MYRIP: variants seen among roughly 807,000 people sequenced by gnomAD.
MYRIP encodes the protein rab effector MyRIP.
Under a neutral mutation model 98.0 loss-of-function variants are expected in MYRIP, and 49 were observed. That is an observed-to-expected ratio of 0.50 (90% CI 0.40 to 0.63). MYRIP has a LOEUF of 0.63. Ranked by LOEUF, MYRIP falls within the 30% of genes least tolerant of loss-of-function variation. The pLI is 0.00. For synonymous variants in MYRIP, 404 were observed against 409.5 expected, an observed-to-expected ratio of 0.99 and a Z score of 0.16; for missense variants, 1,004 against 1,058.2, an observed-to-expected ratio of 0.95 and a Z score of 0.71.
In MYRIP at chr3:39,997,406, C is replaced by G. The variant is rs1946389441; in HGVS notation, c.111-46644C>G. The stretch of plus-strand genomic sequence containing the variant: ...TACCATCAGAGAATACTATAAACAC[C>G]TCTATGCAAATAAACTAGAAAATCT... On this transcript the variant is annotated intron_variant, in intron 2 of 16. Coordinates refer to ENST00000302541, the MANE Select transcript of MYRIP (RefSeq NM_015460.4). Among the ~76,000 whole-genome samples the G allele has an allele frequency of 2.0e-5, 3 of 152,134 alleles. No homozygotes were observed. The South Asian group carries it at 6.2e-4, about 32-fold the overall frequency.
chr3:40,138,263 G>T (rs1005564719), intron 3 of MYRIP, among the ~76,000 whole-genome samples: 6 of 152,224 alleles, frequency 3.9e-5, no homozygotes, highest in Admixed American at 3.3e-4. Context: ...TTCACACTCT[G>T]CTGGCACCCC....
intron 4 of MYRIP, among the ~76,000 whole-genome samples, chr3:40,156,227 C>T (rs1950234878): frequency 1.3e-5 from 2 of 151,368 alleles, no homozygotes; most frequent in Non-Finnish European, 2.9e-5. Context: ...CCAGTTTTCC[C>T]AGCACCATTT....
chr3:39,983,217 T>C (rs1429056714), intron 2 of MYRIP, among the ~76,000 whole-genome samples: 1 of 152,204 alleles, frequency 6.6e-6, no homozygotes, highest in African/African-American at 2.4e-5. Flanking sequence ...CCAGTGCCTG[T>C]GCAGTACATG....
At chr3:40,029,617 T>A (rs1211772449) in intron 2 of MYRIP, among the ~76,000 whole-genome samples, 1 of 152,172 alleles carries the variant, frequency 6.6e-6, no homozygotes, top group Non-Finnish European at 1.5e-5. Context: ...TGCTTTCTTT[T>A]ACTAAAACCA....
chr3:39,857,772 T>A (rs1942349268), intron 1 of MYRIP, among the ~76,000 whole-genome samples: 1 of 152,174 alleles, frequency 6.6e-6, no homozygotes, highest in South Asian at 2.1e-4. Context: ...AGAGCAAAAT[T>A]ATAGTTATTA....
At chr3:40,051,501 C>T (rs1187890285) in intron 3 of MYRIP, among the ~76,000 whole-genome samples, 8 of 152,094 alleles carry the variant, frequency 5.3e-5, no homozygotes, top group African/African-American at 1.9e-4. Flanking sequence ...ACAGTATAGT[C>T]TATCTAACTT....
chr3:39,900,603 C>T (rs1431153700), intron 1 of MYRIP, among the ~76,000 whole-genome samples, 184 bp from the exon 2 acceptor site: 10 of 151,858 alleles, frequency 6.6e-5, no homozygotes, highest in Admixed American at 6.6e-5. Context: ...ATTATTTTCT[C>T]TTTTTCTCTG....
At chr3:39,922,814 C>G (rs1944334875) in intron 2 of MYRIP, among the ~76,000 whole-genome samples, 1 of 152,048 alleles carries the variant, frequency 6.6e-6, no homozygotes. Flanking sequence ...CTCATCATAC[C>G]AAGAACCTGG....
chr3:39,832,277 C>T (rs1171640172), intron 1 of MYRIP, among the ~76,000 whole-genome samples: 1 of 152,188 alleles, frequency 6.6e-6, no homozygotes. Context: ...TGTTAAAGAA[C>T]TTCTCAAATA....
In MYRIP at chr3:39,871,192, A is replaced by G. The variant is rs56770018; in HGVS notation, c.-30-29595A>G. Among the ~76,000 whole-genome samples the G allele has an allele frequency of 8.7e-4, 133 of 152,344 alleles. 3 individuals are homozygous for G. In the East Asian group the frequency reaches 0.021, roughly 24 times the overall value. Reference sequence around the variant, plus strand: ...GCAGATTGTATTTAGAAAACCCCCAAATAGGAACATTATAGAACACAGTGC... The same window carrying G: ...GCAGATTGTATTTAGAAAACCCCCAGATAGGAACATTATAGAACACAGTGC... On this transcript the variant is annotated intron_variant, in intron 1 of 16. Coordinates refer to ENST00000302541, the MANE Select transcript of MYRIP (RefSeq NM_015460.4).
intron 3 of MYRIP, among the ~76,000 whole-genome samples, chr3:40,047,876 T>A (rs138311886): frequency 6.6e-6 from 1 of 152,266 alleles, no homozygotes; most frequent in East Asian, 1.9e-4. Context: ...TATTTATATA[T>A]CAACAAACTG....
At chr3:39,940,126 G>A (rs1944751463) in intron 2 of MYRIP, among the ~76,000 whole-genome samples, 1 of 152,026 alleles carries the variant, frequency 6.6e-6, no homozygotes, top group Admixed American at 6.6e-5. Flanking sequence ...ATATGTGTGT[G>A]TTTTAACACA....
chr3:40,106,828 A>G (rs1949057679), intron 3 of MYRIP, among the ~76,000 whole-genome samples: 1 of 151,826 alleles, frequency 6.6e-6, no homozygotes. Flanking sequence ...CTTTTCCTGA[A>G]TTTTGTTTCA....
intron 2 of MYRIP, among the ~76,000 whole-genome samples, chr3:39,989,812 G>A (rs1435449959): frequency 6.6e-6 from 1 of 152,252 alleles, no homozygotes; most frequent in African/African-American, 2.4e-5. Context: ...CCATTGTGTT[G>A]GACTGTGGGG....
intron 1 of MYRIP, among the ~76,000 whole-genome samples, chr3:39,838,647 C>G (rs902145115): frequency 6.6e-6 from 1 of 152,120 alleles, no homozygotes; most frequent in Admixed American, 6.5e-5. Flanking sequence ...TGATGTTCTT[C>G]AGGGTTATTG....
intron 1 of MYRIP, among the ~76,000 whole-genome samples, chr3:39,822,043 T>G (rs1302647928): frequency 1.3e-5 from 2 of 152,238 alleles, no homozygotes; most frequent in Admixed American, 6.5e-5. Flanking sequence ...TTTCATCTTG[T>G]GCTTTCCTTT....
At chr3:39,947,987 A>G (rs1247010737) in intron 2 of MYRIP, among the ~76,000 whole-genome samples, 2 of 152,156 alleles carry the variant, frequency 1.3e-5, no homozygotes, top group Non-Finnish European at 2.9e-5. Context: ...GGACAGCAAG[A>G]CTTTTGAAGA....
At chr3:40,147,611 C>G (rs1392281368) in intron 3 of MYRIP, among the ~76,000 whole-genome samples, 1 of 152,148 alleles carries the variant, frequency 6.6e-6, no homozygotes, top group Non-Finnish European at 1.5e-5. Context: ...AATGGGTCAT[C>G]ATCTTTCTTC....
At chr3:40,005,911 G>A (rs902970672) in intron 2 of MYRIP, among the ~76,000 whole-genome samples, 1 of 152,136 alleles carries the variant, frequency 6.6e-6, no homozygotes, top group African/African-American at 2.4e-5. Flanking sequence ...AGAAAATTCA[G>A]GTGCTTTGAG....
Sources: allele counts gnomAD v4.1 joint callset (sites outside exome capture counted in the v4.1 genomes callset), GRCh38; gene constraint gnomAD v4.1.1; transcripts MANE v1.5; gene names NCBI Gene and HGNC (gene_info 2026-07-23, HGNC 2026-07-21).